Variants in MYO15B observed in about 807,000 individuals in gnomAD.
MYO15B encodes myosin XVB, also known as myosin XVB pseudogene.
Under a neutral mutation model 119.3 loss-of-function variants are expected in MYO15B, and 207 were observed. The ratio of observed to expected loss-of-function variants is 1.73; its 90% confidence interval spans 1.55 to 1.95. The LOEUF is 1.95. Ranked by LOEUF, MYO15B falls within the 30% of genes most tolerant of loss-of-function variation. MYO15B has a pLI of 0.00. For missense variants in MYO15B, 2,264 were observed against 1,203.1 expected, an observed-to-expected ratio of 1.88 and a Z score of -13.04; for synonymous variants, 966 against 498.9, an observed-to-expected ratio of 1.94 and a Z score of -12.48.
At chr17:75,614,783 G>A (rs1274424720) in exon 32 of MYO15B, 1 of 702,846 alleles carries the variant, frequency 1.4e-6, no homozygotes, top group Non-Finnish European at 2.6e-6. Context: ...GGGAGGTCCA[G>A]AGGTCAGGGA....
intron 9 of MYO15B, 85 bp from the exon 10 acceptor site, chr17:75,594,390 T>C: frequency 1.8e-6 from 1 of 563,564 alleles, no homozygotes; most frequent in South Asian, 2.4e-5. Flanking sequence ...CAGGGCCACT[T>C]ACCAGGCAAA....
At chr17:75,594,424 G>A (rs1012950854) in intron 9 of MYO15B, 51 bp from the exon 10 acceptor site, 1 of 580,230 alleles carries the variant, frequency 1.7e-6, no homozygotes, top group South Asian at 2.2e-5. Flanking sequence ...TGCCTGGGGA[G>A]TGTGTCCATT....
intron 43 of MYO15B, among the ~76,000 whole-genome samples, chr17:75,618,877 G>T (rs1340067128): frequency 1.3e-5 from 2 of 152,186 alleles, no homozygotes; most frequent in African/African-American, 4.8e-5. Flanking sequence ...TGATCCAAGG[G>T]CAGTTACCAC....
At chr17:75,605,280 A>T (rs974904979) in intron 19 of MYO15B, among the ~76,000 whole-genome samples, 13 of 152,068 alleles carry the variant, frequency 8.5e-5, no homozygotes, top group African/African-American at 3.1e-4. Context: ...TACTAAAAAT[A>T]CAAAAAATTA....
At position 75,610,972 on chromosome 17, in the gene MYO15B, G is replaced by A. The variant is rs2057989190; in HGVS notation, c.4446+13G>A. On this transcript the variant is annotated intron_variant, in intron 23 of 63. Transcript: ENST00000645453. ...AGTGCCAAGCATGGTAGGTGGCCTG[G>A]AAAGTGGGGGGTTTTACATGGGGCT... 4.3e-6 allele frequency: 3 copies of A among 703,032 alleles called. No homozygotes were observed. The allele number at this position is 703,032 out of a possible 1,614,324, so 43.5% of individuals were successfully genotyped here. A position where few individuals can be genotyped will look rare whatever the true frequency, so the allele number is the denominator to read the frequency against.
chr17:75,625,746 G>A (rs559314134), intron 61 of MYO15B, 86 bp downstream of exon 61: 54 of 701,006 alleles, frequency 7.7e-5, no homozygotes, highest in South Asian at 7.4e-5. Context: ...AGGGGTCTGC[G>A]CCTGCCCTGT....
chr17:75,591,769 G>C lies in MYO15B; in HGVS notation c.2547+57G>C, dbSNP rs377624653. The C allele has an allele frequency of 4.0e-5, 28 of 702,216 alleles. No individual in the cohort carries two copies. In the African/African-American group the frequency reaches 4.7e-4, roughly 12 times the overall value. The allele number at this position is 702,216 out of a possible 1,614,324, so 43.5% of individuals were successfully genotyped here. A position where few individuals can be genotyped will look rare whatever the true frequency, so the allele number is the denominator to read the frequency against. ...TGAGCTGGCCGTCTGTCTTCCTCCAGGGGACAGCTGACCATGTCCAAGGGA... is the reference window on the plus strand; with the variant it reads ...TGAGCTGGCCGTCTGTCTTCCTCCACGGGACAGCTGACCATGTCCAAGGGA... On this transcript the variant is annotated intron_variant, in intron 5 of 63. Coordinates refer to ENST00000645453, the Ensembl canonical transcript of MYO15B.
At chr17:75,617,121 G>A in exon 41 of MYO15B, 1 of 680,346 alleles carries the variant, frequency 1.5e-6, no homozygotes, top group Non-Finnish European at 2.7e-6. Flanking sequence ...CCCCCCGCCA[G>A]CTGTGGCTCC....
intron 25 of MYO15B, 98 bp from the exon 26 acceptor site, chr17:75,612,700 C>T (rs1666527039): frequency 1.5e-6 from 1 of 662,338 alleles, no homozygotes. Context: ...CATTTCTGTC[C>T]AGCCCCTCTG....
Position 75,618,200 on chromosome 17 carries a change from A to G in MYO15B, c.6987+15A>G, listed in dbSNP as rs1176061639. 1 of 702,900 alleles carries G rather than the reference A, an allele frequency of 1.4e-6. No individual in the cohort carries two copies. 43.5% of individuals were successfully genotyped at this position (702,900 alleles called of 1,614,324 possible). A position where few individuals can be genotyped will look rare whatever the true frequency, so the allele number is the denominator to read the frequency against. On this transcript the variant is annotated intron_variant, in intron 43 of 63. Coordinates refer to ENST00000645453, the Ensembl canonical transcript of MYO15B. ...TCTGTGAGCAGGTGAGAGCTGGCCC[A>G]CCTGCCAGCCTGAGACATCTGCAGA...
At chr17:75,617,031 G>A (rs1051868480) in intron 40 of MYO15B, 54 bp from the exon 41 acceptor site, 51 of 694,864 alleles carry the variant, frequency 7.3e-5, no homozygotes, top group South Asian at 3.7e-4. Flanking sequence ...TCTCTGGGGC[G>A]AACTTGGCCT....
At position 75,620,650 on chromosome 17, in the gene MYO15B, G is replaced by C. The variant is rs1427956214; in HGVS notation, c.7725+14G>C. 2 of 696,774 alleles carry C rather than the reference G, an allele frequency of 2.9e-6. No individual in the cohort carries two copies. The highest frequency in any genetic ancestry group is 1.5e-5 in the South Asian group (1 of 67,442). The allele number at this position is 696,774 out of a possible 1,614,324, so 43.2% of individuals were successfully genotyped here. A position where few individuals can be genotyped will look rare whatever the true frequency, so the allele number is the denominator to read the frequency against. ...AGGGCCTCAGAGGTGAGGAAGATGG[G>C]AGAGGGACAAGCAGAGGCAAGGCCT... On this transcript the variant is annotated intron_variant, in intron 49 of 63. Transcript: ENST00000645453.
At position 75,607,428 on chromosome 17, in the gene MYO15B, AT is replaced by A. The variant is rs538434766; in HGVS notation, c.4292+1409del. 5.5e-3 allele frequency among the ~76,000 whole-genome samples: 509 copies of A among 92,814 alleles called. 5 individuals are homozygous for A. Among genetic ancestry groups the A allele is most frequent in the African/African-American group, 0.018 (474 of 27,034 alleles). 60.9% of individuals were successfully genotyped at this position (92,814 alleles called of 152,430 possible). On this transcript the variant is annotated intron_variant, in intron 21 of 63. Coordinates refer to ENST00000645453, the Ensembl canonical transcript of MYO15B. ...TCAGTTCCAGGCTTGAGGGTTAATAATTAATTATTATTATTATTATTATTAT... is the reference window on the plus strand; with the variant it reads ...TCAGTTCCAGGCTTGAGGGTTAATAATAATTATTATTATTATTATTATTAT...
At chr17:75,619,579 A>C in intron 45 of MYO15B, 102 bp from the exon 46 acceptor site, 2 of 684,732 alleles carry the variant, frequency 2.9e-6, no homozygotes, top group South Asian at 3.0e-5. Flanking sequence ...AGCAGACGCC[A>C]GGGGAAGGAC....
At chr17:75,592,352 G>A in intron 7 of MYO15B, 51 bp downstream of exon 7, 2 of 701,294 alleles carry the variant, frequency 2.9e-6, no homozygotes, top group South Asian at 1.5e-5. Flanking sequence ...AGTAGGAAGG[G>A]CAGAGGGTGT....
chr17:75,617,841 C>T, exon 42 of MYO15B: 3 of 702,924 alleles, frequency 4.3e-6, no homozygotes, highest in Non-Finnish European at 7.8e-6. Flanking sequence ...ACCAGGGGGT[C>T]TCCACCCAGC....
chr17:75,608,398 C>T (rs2057790424), intron 21 of MYO15B, among the ~76,000 whole-genome samples: 1 of 152,124 alleles, frequency 6.6e-6, no homozygotes, highest in Non-Finnish European at 1.5e-5. Context: ...ACTGGGATTA[C>T]AGGCATGAGC....
In MYO15B at chr17:75,592,397, A is replaced by G. The variant is rs911687538; in HGVS notation, c.2716-31A>G. On this transcript the variant is annotated intron_variant, in intron 7 of 63. Transcript: ENST00000645453. ...GGTGTGGCCTCTAAGCCCCTAGGGC[A>G]CTGAGCCCCTAAGCCAGTCCTGTCC... is the stretch of plus-strand genomic sequence containing the variant. 3 of 674,764 alleles carry G rather than the reference A, an allele frequency of 4.4e-6. No individual in the cohort carries two copies. In the African/African-American group the frequency reaches 5.3e-5, roughly 12 times the overall value. 41.8% of individuals were successfully genotyped at this position (674,764 alleles called of 1,614,324 possible).
At chr17:75,610,739 C>T (rs1275772253) in intron 22 of MYO15B, 161 bp from the exon 23 acceptor site, 3 of 621,038 alleles carry the variant, frequency 4.8e-6, no homozygotes, top group Non-Finnish European at 8.7e-6. Context: ...CTGGTGAGGG[C>T]CCTGGAGGGC....
Sources: gnomAD v4.1 joint callset for allele counts (sites outside exome capture counted in the v4.1 genomes callset) on GRCh38, gnomAD v4.1.1 for gene constraint, MANE v1.5 for transcripts, NCBI Gene and HGNC (gene_info 2026-07-23, HGNC 2026-07-21) for gene names.